SPARCL1: variants seen among roughly 807,000 people sequenced by gnomAD.
The protein encoded by SPARCL1 is SPARC-like protein 1.
SPARCL1 carries 52 observed loss-of-function variants against 67.1 expected under a neutral mutation model. The ratio of observed to expected loss-of-function variants is 0.78; its 90% confidence interval spans 0.62 to 0.98. The LOEUF is 0.98. Among genes scored for constraint, SPARCL1 ranks in the 50% least tolerant of loss-of-function variants. The pLI, the probability that SPARCL1 is intolerant of heterozygous loss-of-function variation, is 0.00. For missense variants in SPARCL1, 717 were observed against 782.4 expected, an observed-to-expected ratio of 0.92 and a Z score of 1.00; for synonymous variants, 226 against 267.8, an observed-to-expected ratio of 0.84 and a Z score of 1.52.
At chr4:87,526,604 CAG>C (rs1726054780) in intron 1 of SPARCL1, among the ~76,000 whole-genome samples, 1 of 152,194 alleles carries the variant, frequency 6.6e-6, no homozygotes, top group African/African-American at 2.4e-5. Context: ...TTGTAAGAAG[CAG>C]AGTCAGGATT....
chr4:87,503,799 C>T (rs1184225859), intron 1 of SPARCL1, among the ~76,000 whole-genome samples: 1 of 151,520 alleles, frequency 6.6e-6, no homozygotes, highest in East Asian at 1.9e-4. Context: ...ATGCCTCAGC[C>T]TCCCAAGTAG....
intron 1 of SPARCL1, among the ~76,000 whole-genome samples, chr4:87,522,875 T>C (rs1725883163): frequency 6.6e-6 from 1 of 152,094 alleles, no homozygotes; most frequent in Non-Finnish European, 1.5e-5. Context: ...CACCAAATCC[T>C]GCCGTAAAAA....
intron 1 of SPARCL1, among the ~76,000 whole-genome samples, chr4:87,520,005 C>A (rs561561139): frequency 1.4e-4 from 21 of 151,838 alleles, no homozygotes; most frequent in Admixed American, 5.3e-4. Context: ...TTTGGGAGGC[C>A]GAGGTGGGTG....
intron 1 of SPARCL1, among the ~76,000 whole-genome samples, chr4:87,510,795 T>C (rs4693828): frequency 0.34 from 51,193 of 152,078 alleles, 9,638 homozygotes; most frequent in East Asian, 0.6. Flanking sequence ...GCAGTTGCCC[T>C]ACGTGATGAG....
intron 1 of SPARCL1, among the ~76,000 whole-genome samples, chr4:87,505,724 G>GTT (rs1553970443): frequency 7.1e-5 from 10 of 141,110 alleles, no homozygotes; most frequent in Non-Finnish European, 7.7e-5. Flanking sequence ...TCAGCTAATT[G>GTT]TTTTTTTTTT....
At chr4:87,484,515 G>A (rs570775968) in intron 7 of SPARCL1, among the ~76,000 whole-genome samples, 9 of 152,248 alleles carry the variant, frequency 5.9e-5, no homozygotes, top group Non-Finnish European at 1.0e-4. Context: ...GTTAGTTAGC[G>A]TGATGCCTCC....
chr4:87,517,792 G>A (rs143447267), intron 1 of SPARCL1, among the ~76,000 whole-genome samples: 160 of 152,290 alleles, frequency 1.1e-3, no homozygotes, highest in Non-Finnish European at 1.8e-3. Context: ...AATGGACCAA[G>A]AATTATTTAT....
intron 4 of SPARCL1, among the ~76,000 whole-genome samples, chr4:87,492,400 G>A (rs1419064144): frequency 1.3e-5 from 2 of 149,496 alleles, no homozygotes; most frequent in East Asian, 2.0e-4. Context: ...CCTGGGTGAA[G>A]GAGTGAGACT....
chr4:87,506,768 CTCTA>C (rs1311910627), intron 1 of SPARCL1, among the ~76,000 whole-genome samples: 1 of 124,158 alleles, frequency 8.1e-6, no homozygotes, highest in Non-Finnish European at 1.8e-5. Flanking sequence ...TTATCTATAT[CTCTA>C]TCTATCTATC....
At chr4:87,491,771 T>C in intron 4 of SPARCL1, 81 bp from the exon 5 acceptor site, 2 of 996,364 alleles carry the variant, frequency 2.0e-6, no homozygotes, top group South Asian at 1.3e-5. Flanking sequence ...GTGCATACTT[T>C]CACGAGTATT....
intron 10 of SPARCL1, among the ~76,000 whole-genome samples, chr4:87,479,002 T>C (rs528942980): frequency 1.2e-4 from 18 of 152,306 alleles, no homozygotes; most frequent in African/African-American, 3.8e-4. Flanking sequence ...GTGTTGGTAA[T>C]GGATTCTGAG....
rs182932945 is a variant in SPARCL1, at chr4:87,474,847, A to G, written c.1967-1044T>C. On this transcript the variant is annotated intron_variant, in intron 10 of 10. Coordinates refer to ENST00000282470, the MANE Select transcript of SPARCL1 (RefSeq NM_004684.6). ...AAGCTCCGCCTCCCGGGTTCACGCC[A>G]TTCTCCTGCCTCAGCCTCCCGAGTG... 8.5e-4 allele frequency among the ~76,000 whole-genome samples: 125 copies of G among 147,486 alleles called. 3 individuals carry two copies. Among genetic ancestry groups the G allele is most frequent in the Admixed American group, 7.5e-3 (107 of 14,344 alleles).
intron 4 of SPARCL1, 143 bp from the exon 5 acceptor site, chr4:87,491,833 G>C: frequency 1.5e-6 from 1 of 663,562 alleles, no homozygotes; most frequent in African/African-American, 1.8e-5. Flanking sequence ...GGCTGGGTGT[G>C]GTGGCTCACA....
intron 7 of SPARCL1, among the ~76,000 whole-genome samples, chr4:87,486,888 CTTTTTTTTTTTTTTTTTTTTTT>C (rs57597004): frequency 8.9e-3 from 248 of 28,000 alleles, no homozygotes; most frequent in Admixed American, 0.014. Context: ...GCAATTCCTG[CTTTTTTTTTTTTTTTTTTTTTT>C]TTTTTTTTTT....
chr4:87,511,482 G>T (rs1364411262), intron 1 of SPARCL1, among the ~76,000 whole-genome samples: 1 of 152,150 alleles, frequency 6.6e-6, no homozygotes, highest in African/African-American at 2.4e-5. Context: ...GGAGTTTGGG[G>T]TTACAGATGT....
chr4:87,492,784 GCAC>G (rs775984860), intron 4 of SPARCL1, among the ~76,000 whole-genome samples: 45,353 of 117,940 alleles, frequency 0.38, 7,190 homozygotes, highest in African/African-American at 0.57. Context: ...AGTCCTGCTG[GCAC>G]AGGACTTTGT....
chr4:87,494,013 G>C lies in SPARCL1; in HGVS notation c.787C>G (p.Gln263Glu), dbSNP rs766115655. ...TTATCTTCTTGTTCTTGGTTACCCT[G>C]ATCAAATTCATCCTCCTGCATCTTG... ...VSKMQEDEFD[Q>E]GNQEQEDNSN... The change falls in exon 4 of 11, where the codon CAG (glutamine) becomes GAG (glutamate). Residue 263 changes from glutamine (Q) to glutamate (E), a missense_variant. Coordinates refer to ENST00000282470, the MANE Select transcript of SPARCL1 (RefSeq NM_004684.6). 3.1e-6 allele frequency: 5 copies of C among 1,614,040 alleles called. No individual in the cohort carries two copies. The highest frequency in any genetic ancestry group is 4.2e-6 in the Non-Finnish European group (5 of 1,180,020).
At chr4:87,515,670 C>T (rs1372653745) in intron 1 of SPARCL1, among the ~76,000 whole-genome samples, 1 of 152,148 alleles carries the variant, frequency 6.6e-6, no homozygotes, top group Non-Finnish European at 1.5e-5. Context: ...AAGATGATAG[C>T]TAGACAGCAT....
At chr4:87,500,939 GA>G (rs1724818309) in intron 1 of SPARCL1, among the ~76,000 whole-genome samples, 1 of 152,068 alleles carries the variant, frequency 6.6e-6, no homozygotes, top group African/African-American at 2.4e-5. Context: ...TTCATGTGTT[GA>G]ACCACACTGA....
Sources: allele counts gnomAD v4.1 joint callset (sites outside exome capture counted in the v4.1 genomes callset), GRCh38; gene constraint gnomAD v4.1.1; transcripts MANE v1.5; gene names NCBI Gene and HGNC (gene_info 2026-07-23, HGNC 2026-07-21).